ARHGAP32: variants seen among roughly 807,000 people sequenced by gnomAD.
ARHGAP32 encodes rho GTPase-activating protein 32.
In ARHGAP32, 51 loss-of-function variants were observed where a neutral mutation model predicts 186.5. The observed-to-expected ratio is 0.27, with a 90% CI of 0.22 to 0.35. The LOEUF (loss-of-function observed/expected upper bound fraction) is 0.35, where lower values mean the gene tolerates loss of function less well. Among genes scored for constraint, ARHGAP32 ranks in the 10% least tolerant of loss-of-function variants. The pLI, the probability that ARHGAP32 is intolerant of heterozygous loss-of-function variation, is 1.00. For missense variants in ARHGAP32, 2,186 were observed against 2,623.5 expected, an observed-to-expected ratio of 0.83 and a Z score of 3.64; for synonymous variants, 950 against 964.3, an observed-to-expected ratio of 0.99 and a Z score of 0.27.
chr11:129,092,141 T>A (rs1450783461), intron 6 of ARHGAP32, among the ~76,000 whole-genome samples: 1 of 152,020 alleles, frequency 6.6e-6, no homozygotes, highest in African/African-American at 2.4e-5. Context: ...TGTACATGAA[T>A]ATAAAAATCA....
intron 20 of ARHGAP32, among the ~76,000 whole-genome samples, chr11:128,975,535 A>G (rs1044067243): frequency 1.4e-4 from 22 of 152,180 alleles, no homozygotes; most frequent in African/African-American, 5.1e-4. Flanking sequence ...TATATTTAGT[A>G]AAAAATTCCT....
chr11:128,984,518 C>T (rs1945805300), intron 15 of ARHGAP32, among the ~76,000 whole-genome samples: 1 of 152,040 alleles, frequency 6.6e-6, no homozygotes, highest in South Asian at 2.1e-4. Context: ...CTAAGGAATT[C>T]AGAAATGTTA....
At chr11:129,219,460 G>A (rs4307733) in intron 1 of ARHGAP32, among the ~76,000 whole-genome samples, 97,842 of 151,866 alleles carry the variant, frequency 0.64, 31,881 homozygotes, top group Non-Finnish European at 0.7. Context: ...AATGATAAAC[G>A]AGAAAATTTA....
At chr11:129,126,552 G>GA (rs1376502827) in intron 2 of ARHGAP32, among the ~76,000 whole-genome samples, 1 of 151,906 alleles carries the variant, frequency 6.6e-6, no homozygotes, top group African/African-American at 2.4e-5. Context: ...ATAGAAAAGA[G>GA]AAAAACACTG....
chr11:129,033,814 T>G (rs555113542), intron 11 of ARHGAP32, among the ~76,000 whole-genome samples: 3 of 152,302 alleles, frequency 2.0e-5, no homozygotes, highest in East Asian at 3.9e-4. Flanking sequence ...GCTGACTCAG[T>G]ACTCTTTATT....
intron 1 of ARHGAP32, among the ~76,000 whole-genome samples, chr11:129,213,609 T>A (rs1431031301): frequency 1.3e-5 from 2 of 152,150 alleles, no homozygotes; most frequent in East Asian, 3.8e-4. Context: ...TAATATTAAA[T>A]GATGTTAGTA....
At chr11:128,994,453 CCT>C (rs556396244) in intron 12 of ARHGAP32, among the ~76,000 whole-genome samples, 37 of 152,192 alleles carry the variant, frequency 2.4e-4, no homozygotes, top group Middle Eastern at 3.4e-3. Context: ...CCCTGCTGGG[CCT>C]CTCTTTCATA....
intron 1 of ARHGAP32, among the ~76,000 whole-genome samples, chr11:129,182,174 T>C (rs892850551): frequency 1.3e-5 from 2 of 152,146 alleles, no homozygotes; most frequent in Non-Finnish European, 2.9e-5. Context: ...CCCCTACTGA[T>C]GAGTACTTGA....
chr11:129,100,617 T>C (rs1182737342), intron 5 of ARHGAP32, among the ~76,000 whole-genome samples: 2 of 152,092 alleles, frequency 1.3e-5, no homozygotes, highest in African/African-American at 4.8e-5. Context: ...CGACCACCAC[T>C]GTAGACGGAG....
At chr11:129,070,460 A>C (rs1328504770) in intron 6 of ARHGAP32, among the ~76,000 whole-genome samples, 1 of 151,672 alleles carries the variant, frequency 6.6e-6, no homozygotes, top group African/African-American at 2.4e-5. Context: ...GCCTCCACTA[A>C]TAAAGACTGA....
intron 11 of ARHGAP32, 102 bp from the exon 12 acceptor site, chr11:128,998,570 T>C (rs1012899255): frequency 3.7e-5 from 28 of 754,834 alleles, no homozygotes; most frequent in Non-Finnish European, 5.3e-5. Flanking sequence ...CAAAATAATC[T>C]ATTATGAATA....
At chr11:129,193,703 A>ATATATTATATATTATATAT (rs1565464994), upstream of ARHGAP32, among the ~76,000 whole-genome samples, 17 of 48,372 alleles carry the variant, frequency 3.5e-4, no homozygotes, top group African/African-American at 4.8e-4. Context: ...ATAATATATA[A>ATATATTATATATTATATAT]TATATATTAT....
Position 128,981,410 on chromosome 11 carries a change from C to G in ARHGAP32, c.1780+6G>C. 1 of 1,585,618 alleles carries G rather than the reference C, an allele frequency of 6.3e-7. No homozygotes were observed. The highest frequency in any genetic ancestry group is 1.1e-5 in the South Asian group (1 of 87,798). On this transcript the variant is annotated splice_donor_region_variant and intron_variant, in intron 17 of 22. Coordinates refer to ENST00000682385, the MANE Select transcript of ARHGAP32 (RefSeq NM_001378024.1). ...CTCCTGGTAGGAAGGGCCATCGGAG[C>G]CGTACCTGCCCCCTCTTGCATGGCC...
chr11:129,111,578 C>T (rs2135341373), intron 5 of ARHGAP32, among the ~76,000 whole-genome samples: 1 of 152,196 alleles, frequency 6.6e-6, no homozygotes, highest in South Asian at 2.1e-4. Context: ...CTCATTACTC[C>T]TTATTGGTAT....
chr11:129,127,160 AACCTG>A (rs950076776), intron 2 of ARHGAP32, among the ~76,000 whole-genome samples: 2 of 152,160 alleles, frequency 1.3e-5, no homozygotes, highest in Non-Finnish European at 2.9e-5. Flanking sequence ...AAAACGAGAA[AACCTG>A]CCCAGCCTAT....
intron 1 of ARHGAP32, among the ~76,000 whole-genome samples, chr11:129,181,430 T>C (rs555945237): frequency 8.5e-5 from 13 of 152,266 alleles, no homozygotes; most frequent in African/African-American, 3.1e-4. Context: ...GCTGATGATA[T>C]AAATCTGAGA....
At chr11:129,215,924 G>A (rs2135599118) in intron 1 of ARHGAP32, among the ~76,000 whole-genome samples, 1 of 152,260 alleles carries the variant, frequency 6.6e-6, no homozygotes, top group South Asian at 2.1e-4. Flanking sequence ...CCTGGATTAT[G>A]CAGGCAGTCT....
At chr11:129,216,804 T>C (rs747866600) in intron 1 of ARHGAP32, among the ~76,000 whole-genome samples, 7 of 152,044 alleles carry the variant, frequency 4.6e-5, no homozygotes, top group Non-Finnish European at 5.9e-5. Context: ...GATTCTTAAT[T>C]GCCCAGTGAT....
At chr11:129,168,415 T>A (rs1333273487) in intron 1 of ARHGAP32, among the ~76,000 whole-genome samples, 1 of 152,318 alleles carries the variant, frequency 6.6e-6, no homozygotes, top group South Asian at 2.1e-4. Context: ...AAGGTATTAC[T>A]AGAAATAAAG....
Sources: allele counts gnomAD v4.1 joint callset (sites outside exome capture counted in the v4.1 genomes callset), GRCh38; gene constraint gnomAD v4.1.1; transcripts MANE v1.5; gene names NCBI Gene and HGNC (gene_info 2026-07-23, HGNC 2026-07-21).